PRKAR1A: variants seen among roughly 807,000 people sequenced by gnomAD.
The protein encoded by PRKAR1A is cAMP-dependent protein kinase type I-alpha regulatory subunit.
A neutral mutation model predicts 52.0 loss-of-function variants in PRKAR1A; 3 were observed. That is an observed-to-expected ratio of 0.06 (90% confidence interval 0.03 to 0.15). PRKAR1A has a LOEUF of 0.15. PRKAR1A is among the 10% of genes least tolerant of loss of function. The probability of loss-of-function intolerance (pLI) is 1.00; values close to 1 mark genes in which losing one functional copy is unlikely to be tolerated. For synonymous variants in PRKAR1A, 188 were observed against 168.4 expected (o/e 1.12, Z -0.90); for missense variants, 240 against 477.4 (o/e 0.50, Z 4.63).
At chr17:68,466,409 CTTTTTTT>C in the PRKAR1A span, among the ~76,000 whole-genome samples, 1 of 118,374 alleles carries the variant, frequency 8.4e-6, no homozygotes, top group African/African-American at 3.5e-5. Flanking sequence ...TTTTCTCTCT[CTTTTTTT>C]TTTTTTTTTT....
chr17:68,527,941 A>G, intron 8 of PRKAR1A, 41 bp downstream of exon 8: 3 of 1,509,468 alleles, frequency 2.0e-6, no homozygotes, highest in East Asian at 2.3e-5. Context: ...TATGTGAGAT[A>G]CCCCTGAATT....
chr17:68,513,675 G>A (rs2085342443), intron 1 of PRKAR1A, among the ~76,000 whole-genome samples: 1 of 152,198 alleles, frequency 6.6e-6, no homozygotes, highest in Non-Finnish European at 1.5e-5. Context: ...AAAATATTAA[G>A]ACTGTGAAGT....
At chr17:68,512,386 T>G (rs534001445), upstream of PRKAR1A, 1 of 152,850 alleles carries the variant, frequency 6.5e-6, no homozygotes, top group Non-Finnish European at 1.5e-5. Flanking sequence ...CGCATTGACG[T>G]CAGTAGCCGA....
the PRKAR1A span, among the ~76,000 whole-genome samples, chr17:68,437,627 G>A: frequency 6.6e-6 from 1 of 152,110 alleles, no homozygotes; most frequent in South Asian, 2.1e-4. Flanking sequence ...GGTACCTCCC[G>A]AGGAGGAAGT....
chr17:68,514,873 C>T (rs1057061024), intron 1 of PRKAR1A: 2 of 155,810 alleles, frequency 1.3e-5, no homozygotes, highest in Admixed American at 1.3e-4. Flanking sequence ...GTTGGCTAAT[C>T]AGATCCTCAC....
Position 68,520,528 on chromosome 17 carries a change from A to G in PRKAR1A, c.178-2228A>G, listed in dbSNP as rs141349270. 7.0e-3 allele frequency among the ~76,000 whole-genome samples: 1,071 copies of G among 152,326 alleles called. 2 individuals are homozygous for G. The highest frequency in any genetic ancestry group is 0.012 in the South Asian group (57 of 4,826). On this transcript the variant is annotated intron_variant, in intron 2 of 10. Transcript: ENST00000589228. ...ACATGTGATATTTTACAGGCATAGA[A>G]TGTGTAATGATCACGTCAAGGTATT... is the stretch of plus-strand genomic sequence containing the variant.
chr17:68,478,656 A>G, the PRKAR1A span, among the ~76,000 whole-genome samples: 6 of 151,544 alleles, frequency 4.0e-5, no homozygotes, highest in South Asian at 6.3e-4. Flanking sequence ...TTTATATTCA[A>G]TGTTCAGAAC....
the PRKAR1A span, among the ~76,000 whole-genome samples, chr17:68,482,414 G>A: frequency 6.6e-6 from 1 of 152,068 alleles, no homozygotes. Context: ...TTCAAATACA[G>A]TTTCATCTCA....
At chr17:68,465,907 G>A in the PRKAR1A span, among the ~76,000 whole-genome samples, 3 of 152,152 alleles carry the variant, frequency 2.0e-5, no homozygotes, top group Non-Finnish European at 4.4e-5. Flanking sequence ...GACCAGGTGA[G>A]AGGCTGGTAT....
chr17:68,505,469 T>C, the PRKAR1A span, among the ~76,000 whole-genome samples: 1 of 152,140 alleles, frequency 6.6e-6, no homozygotes, highest in South Asian at 2.1e-4. Context: ...ACTCATAGAA[T>C]ATACAACAGA....
chr17:68,421,740 G>A, the PRKAR1A span: 3 of 1,614,066 alleles, frequency 1.9e-6, no homozygotes, highest in Admixed American at 5.0e-5. Context: ...ACCTGATAGG[G>A]GGGATGTCCT....
At chr17:68,534,338 C>G (rs1266483806), downstream of PRKAR1A, among the ~76,000 whole-genome samples, 2 of 152,078 alleles carry the variant, frequency 1.3e-5, no homozygotes, top group Non-Finnish European at 2.9e-5. Flanking sequence ...AATGAGTTAA[C>G]TGTTGATCCT....
At chr17:68,463,972 ACT>A in the PRKAR1A span, among the ~76,000 whole-genome samples, 1 of 152,184 alleles carries the variant, frequency 6.6e-6, no homozygotes, top group Non-Finnish European at 1.5e-5. Flanking sequence ...TTTCCCAAGT[ACT>A]TTCCAAGCTT....
the PRKAR1A span, among the ~76,000 whole-genome samples, chr17:68,462,468 T>C: frequency 6.6e-6 from 1 of 152,146 alleles, no homozygotes; most frequent in African/African-American, 2.4e-5. Context: ...TAGAATATAA[T>C]TATAGGCGAT....
At chr17:68,540,690 C>G in intron 11 of PRKAR1A, 1 of 895,742 alleles carries the variant, frequency 1.1e-6, no homozygotes, top group Non-Finnish European at 1.8e-6. Flanking sequence ...AGCCTGTTAC[C>G]TTCTGTCCTC....
the PRKAR1A span, among the ~76,000 whole-genome samples, chr17:68,466,089 G>A: frequency 2.0e-5 from 3 of 152,146 alleles, no homozygotes; most frequent in East Asian, 1.9e-4. Flanking sequence ...CGTGCAAATG[G>A]GCCTGTCGTG....
chr17:68,514,297 C>T (rs8072598), intron 1 of PRKAR1A, among the ~76,000 whole-genome samples: 22,499 of 152,146 alleles, frequency 0.15, 1,719 homozygotes, highest in South Asian at 0.2. Context: ...ACAGTTTCAT[C>T]TCAATAGTTT....
the PRKAR1A span, among the ~76,000 whole-genome samples, chr17:68,431,806 T>G: frequency 1.0e-4 from 1 of 9,958 alleles, no homozygotes; most frequent in Non-Finnish European, 2.1e-4. Flanking sequence ...TTGGAGGTTC[T>G]GCTCCTGGTC....
At chr17:68,425,949 C>T in the PRKAR1A span, 1 of 729,814 alleles carries the variant, frequency 1.4e-6, no homozygotes. Flanking sequence ...TTTCCAAATA[C>T]TAGAGCAGAG....
Sources: gnomAD v4.1 joint callset for allele counts (sites outside exome capture counted in the v4.1 genomes callset) on GRCh38, gnomAD v4.1.1 for gene constraint, MANE v1.5 for transcripts, NCBI Gene and HGNC (gene_info 2026-07-23, HGNC 2026-07-21) for gene names.